The following DIAPH2 variants were observed in gnomAD, a reference collection of about 807,000 sequenced individuals.
The protein encoded by DIAPH2 is protein diaphanous homolog 2.
A neutral mutation model predicts 92.7 loss-of-function variants in DIAPH2; 35 were observed. The ratio of observed to expected loss-of-function variants is 0.38; its 90% CI spans 0.29 to 0.50. DIAPH2 has a LOEUF of 0.50. Ranked by LOEUF, DIAPH2 falls within the 20% of genes least tolerant of loss-of-function variation. The pLI is 0.94. For synonymous variants in DIAPH2, 301 were observed against 280.4 expected (o/e 1.07, Z -0.73); for missense variants, 701 against 819.5 (o/e 0.86, Z 1.77).
At chrX:97,277,060 G>A (rs1444314882) in intron 23 of DIAPH2, among the ~76,000 whole-genome samples, 1 of 112,534 alleles carries the variant, frequency 8.9e-6, no homozygotes, top group African/African-American at 3.2e-5. Flanking sequence ...TGTGGGGCTG[G>A]GAGCGGTGGC....
intron 4 of DIAPH2, among the ~76,000 whole-genome samples, chrX:96,770,519 G>A (rs1437888825): frequency 1.8e-5 from 2 of 111,480 alleles, no homozygotes; most frequent in African/African-American, 3.3e-5. Flanking sequence ...TCCAGAAGGG[G>A]GAGACAAAAC....
At position 97,013,785 on chromosome X, in the gene DIAPH2, G is replaced by A. The variant is rs779603985; in HGVS notation, c.2050+48578G>A. Among the ~76,000 whole-genome samples the A allele has an allele frequency of 4.5e-5, 5 of 112,243 alleles. No homozygotes were observed. In the South Asian group the frequency reaches 1.9e-3, roughly 42 times the overall value. On this transcript the variant is annotated intron_variant, in intron 17 of 26. Transcript: ENST00000324765. ...TTTGAGATAACAAATCTGGCACCTG[G>A]ACATGGCACTGGAGTGGGAGAAGTT...
chrX:96,827,285 A>C (rs1475134903), intron 4 of DIAPH2, among the ~76,000 whole-genome samples: 2 of 112,261 alleles, frequency 1.8e-5, no homozygotes, highest in Non-Finnish European at 3.8e-5. Context: ...CTTTGAAATG[A>C]TCTGAATGTC....
chrX:97,238,570 GT>G (rs774159195), intron 22 of DIAPH2, among the ~76,000 whole-genome samples: 4,402 of 99,963 alleles, frequency 0.044, 73 homozygotes, highest in Admixed American at 0.051. Context: ...TTTTTAACAG[GT>G]TTTTTTTTTT....
At chrX:97,564,337 C>G (rs1418928794) in intron 26 of DIAPH2, 1 of 112,437 alleles carries the variant, frequency 8.9e-6, no homozygotes, top group African/African-American at 3.2e-5. Flanking sequence ...GCTGCTCTAC[C>G]TGAGACTGGG....
At chrX:97,086,859 C>T (rs1319425893) in intron 19 of DIAPH2, among the ~76,000 whole-genome samples, 1 of 111,051 alleles carries the variant, frequency 9.0e-6, no homozygotes, top group African/African-American at 3.3e-5. Context: ...TTTTTTAAAG[C>T]CCATTGTTTG....
chrX:97,137,526 C>T (rs970625960), intron 21 of DIAPH2, among the ~76,000 whole-genome samples: 1 of 107,775 alleles, frequency 9.3e-6, no homozygotes, highest in African/African-American at 3.4e-5. Flanking sequence ...ATGAAGATGG[C>T]CAAAAAAAGT....
chrX:96,962,490 C>T (rs375141837), intron 16 of DIAPH2, among the ~76,000 whole-genome samples: 500 of 48,866 alleles, frequency 0.01, 40 homozygotes, highest in African/African-American at 0.056. Flanking sequence ...CACACACACA[C>T]ACACACATAT....
chrX:97,006,596 G>A (rs2066184244), intron 17 of DIAPH2, among the ~76,000 whole-genome samples: 2 of 111,561 alleles, frequency 1.8e-5, no homozygotes, highest in Admixed American at 1.9e-4. Context: ...TTTTTCCATT[G>A]GCATGGAATA....
intron 26 of DIAPH2, among the ~76,000 whole-genome samples, chrX:97,491,917 A>C (rs1242723461): frequency 9.0e-6 from 1 of 111,077 alleles, no homozygotes; most frequent in Non-Finnish European, 1.9e-5. Flanking sequence ...GCTTGCATAG[A>C]TTGTCTTACA....
chrX:97,222,192 A>T (rs2147517398), intron 22 of DIAPH2, among the ~76,000 whole-genome samples: 1 of 109,702 alleles, frequency 9.1e-6, no homozygotes, highest in East Asian at 2.9e-4. Context: ...GATGATGATG[A>T]TGATGATGAT....
At chrX:97,095,092 C>CATTTTCTTTT (rs2066855894) in intron 19 of DIAPH2, among the ~76,000 whole-genome samples, 1 of 14,581 alleles carries the variant, frequency 6.9e-5, no homozygotes, top group Admixed American at 7.2e-4. Context: ...GGAAATGTTT[C>CATTTTCTTTT]TTTTTCTTTT....
At chrX:97,097,028 C>G (rs1426165504) in intron 19 of DIAPH2, among the ~76,000 whole-genome samples, 1 of 111,183 alleles carries the variant, frequency 9.0e-6, no homozygotes, top group Non-Finnish European at 1.9e-5. Flanking sequence ...TTTCCATATT[C>G]TCTGTTGGTA....
intron 22 of DIAPH2, among the ~76,000 whole-genome samples, chrX:97,177,162 T>TGGGTGG (rs1479309663): frequency 9.0e-6 from 1 of 111,237 alleles, no homozygotes; most frequent in African/African-American, 3.3e-5. Flanking sequence ...ACTGTATAGT[T>TGGGTGG]ATCTCTATAG....
At chrX:97,500,796 A>G (rs1422838864) in intron 26 of DIAPH2, among the ~76,000 whole-genome samples, 2 of 77,207 alleles carry the variant, frequency 2.6e-5, no homozygotes, top group African/African-American at 5.0e-5. Flanking sequence ...ATATATATAT[A>G]TATATATCCT....
intron 23 of DIAPH2, among the ~76,000 whole-genome samples, chrX:97,312,339 A>G (rs1425008592): frequency 1.1e-5 from 1 of 94,449 alleles, no homozygotes; most frequent in Non-Finnish European, 2.1e-5. Flanking sequence ...TTTGATCAAT[A>G]GAATCCTTTT....
intron 9 of DIAPH2, among the ~76,000 whole-genome samples, chrX:96,929,616 CA>C (rs1484263845): frequency 2.7e-5 from 3 of 111,186 alleles, no homozygotes; most frequent in Non-Finnish European, 5.7e-5. Context: ...ATAACTCTAT[CA>C]TAATAGATCT....
intron 16 of DIAPH2, among the ~76,000 whole-genome samples, chrX:96,959,627 A>G (rs763993712): frequency 9.0e-6 from 1 of 111,510 alleles, no homozygotes; most frequent in East Asian, 2.8e-4. Context: ...GTTTAATATA[A>G]TCTCACTTAC....
At chrX:96,856,608 T>A (rs1399866036) in intron 4 of DIAPH2, among the ~76,000 whole-genome samples, 1 of 109,646 alleles carries the variant, frequency 9.1e-6, no homozygotes, top group Non-Finnish European at 1.9e-5. Context: ...TGTTCAGAGA[T>A]AAAGGGTAAA....
Sources: gnomAD v4.1 joint callset for allele counts (sites outside exome capture counted in the v4.1 genomes callset) on GRCh38, gnomAD v4.1.1 for gene constraint, MANE v1.5 for transcripts, NCBI Gene and HGNC (gene_info 2026-07-23, HGNC 2026-07-21) for gene names.